Variants in SPRED2 observed in about 807,000 individuals in gnomAD.
The protein encoded by SPRED2 is sprouty-related, EVH1 domain-containing protein 2.
Under a neutral mutation model 43.0 loss-of-function variants are expected in SPRED2, and 47 were observed. That is an observed-to-expected ratio of 1.09 (90% confidence interval 0.87 to 1.40). The LOEUF is 1.40. Ranked by LOEUF, SPRED2 falls within the 40% of genes most tolerant of loss-of-function variation. SPRED2 has a pLI of 0.00. For missense variants in SPRED2, 561 were observed against 586.4 expected (o/e 0.96, Z 0.45); for synonymous variants, 225 against 225.7 (o/e 1.00, Z 0.03).
At chr2:65,343,607 T>C (rs1421174463) in intron 2 of SPRED2, among the ~76,000 whole-genome samples, 1 of 152,228 alleles carries the variant, frequency 6.6e-6, no homozygotes, top group Non-Finnish European at 1.5e-5. Flanking sequence ...GAATCATCTG[T>C]TGGCTTCTGA....
In SPRED2 at chr2:65,312,571, A is replaced by C; in HGVS notation, c.*930T>G. 1.0e-6 allele frequency: 1 copy of C among 985,702 alleles called. No individual in the cohort carries two copies. The highest frequency in any genetic ancestry group is 1.2e-6 in the Non-Finnish European group (1 of 829,938). 61.1% of individuals were successfully genotyped at this position (985,702 alleles called of 1,614,324 possible). On this transcript the variant is annotated 3_prime_UTR_variant, in exon 6 of 6. Coordinates refer to ENST00000356388, the MANE Select transcript of SPRED2 (RefSeq NM_181784.3). Reference sequence around the variant, plus strand: ...AAACTATTTGGTTTGCAAAACAACAAGCAAAATTTCTTACTTCACTAGTAT... The same window carrying C: ...AAACTATTTGGTTTGCAAAACAACACGCAAAATTTCTTACTTCACTAGTAT...
intron 1 of SPRED2, among the ~76,000 whole-genome samples, chr2:65,431,068 G>C (rs545057221): frequency 6.6e-6 from 1 of 152,210 alleles, no homozygotes; most frequent in African/African-American, 2.4e-5. Context: ...GCAGGAGGCA[G>C]CTGCACCTCC....
intron 1 of SPRED2, among the ~76,000 whole-genome samples, chr2:65,351,735 T>C (rs1674516564): frequency 6.6e-6 from 1 of 152,236 alleles, no homozygotes; most frequent in Admixed American, 6.5e-5. Context: ...ATATGACTAG[T>C]GATCTTTTTA....
chr2:65,311,135 T>C lies in SPRED2; in HGVS notation c.*2366A>G. ...GCTTCTGGACAGAAAATCTTTTGGT[T>C]AATGTTTTGTTACCACAGATACAAA... is the stretch of plus-strand genomic sequence containing the variant. On this transcript the variant is annotated 3_prime_UTR_variant, in exon 6 of 6. Coordinates refer to ENST00000356388, the MANE Select transcript of SPRED2 (RefSeq NM_181784.3). 1.2e-5 allele frequency: 12 copies of C among 985,824 alleles called. No individual in the cohort carries two copies. The highest frequency in any genetic ancestry group is 1.4e-5 in the Non-Finnish European group (12 of 829,936). The allele number at this position is 985,824 out of a possible 1,614,324, so 61.1% of individuals were successfully genotyped here. A position where few individuals can be genotyped will look rare whatever the true frequency, so the allele number is the denominator to read the frequency against.
At chr2:65,316,114 G>C (rs1387781342) in intron 5 of SPRED2, among the ~76,000 whole-genome samples, 2 of 152,196 alleles carry the variant, frequency 1.3e-5, no homozygotes, top group Non-Finnish European at 2.9e-5. Context: ...AAGCAGCCTA[G>C]TGGCCACAGC....
At chr2:65,335,048 T>G (rs1042689118) in intron 2 of SPRED2, among the ~76,000 whole-genome samples, 1 of 152,246 alleles carries the variant, frequency 6.6e-6, no homozygotes, top group South Asian at 2.1e-4. Context: ...GGGCACTAAG[T>G]TGATGCTCAG....
intron 1 of SPRED2, among the ~76,000 whole-genome samples, chr2:65,364,917 A>T (rs1674930084): frequency 6.6e-6 from 1 of 152,194 alleles, no homozygotes; most frequent in African/African-American, 2.4e-5. Context: ...CATTCACCAA[A>T]ACTATAAGAA....
downstream of SPRED2, among the ~76,000 whole-genome samples, chr2:65,310,461 A>ACT (rs1460792538): frequency 3.8e-5 from 1 of 26,614 alleles, no homozygotes. Context: ...TCCAAACTAC[A>ACT]CACACACACA....
At chr2:65,307,543 C>T (rs1304173738), downstream of SPRED2, among the ~76,000 whole-genome samples, 1 of 137,018 alleles carries the variant, frequency 7.3e-6, no homozygotes, top group Admixed American at 7.3e-5. Flanking sequence ...AATCACAACC[C>T]CTTCTCAAAA....
chr2:65,329,069 C>G (rs1446879638), intron 4 of SPRED2, among the ~76,000 whole-genome samples: 3 of 152,208 alleles, frequency 2.0e-5, no homozygotes, highest in Non-Finnish European at 2.9e-5. Flanking sequence ...ACTATGTGCT[C>G]TATCCATGCC....
At position 65,331,252 on chromosome 2, in the gene SPRED2, A is replaced by AAAAT. The variant is rs542818505; in HGVS notation, c.438+731_438+734dup. On this transcript the variant is annotated intron_variant, in intron 4 of 5. Coordinates refer to ENST00000356388, the MANE Select transcript of SPRED2 (RefSeq NM_181784.3). ...GCAATACAGCGAAACCCCATCTTTG[A>AAAAT]AAATAAATAAATAAATAAAAAGGAA... Among the ~76,000 whole-genome samples, 8 of 152,172 alleles carry AAAAT rather than the reference A, an allele frequency of 5.3e-5. No homozygotes were observed. The East Asian group carries it at 5.8e-4, about 11-fold the overall frequency.
intron 4 of SPRED2, among the ~76,000 whole-genome samples, chr2:65,327,965 G>T (rs186315012): frequency 4.0e-5 from 6 of 151,826 alleles, no homozygotes; most frequent in African/African-American, 1.2e-4. Flanking sequence ...CTCGTGATCC[G>T]CCCACCTTGG....
At chr2:65,321,291 G>T (rs1305088520) in intron 4 of SPRED2, among the ~76,000 whole-genome samples, 1 of 152,060 alleles carries the variant, frequency 6.6e-6, no homozygotes, top group Non-Finnish European at 1.5e-5. Context: ...GATGCAGGGA[G>T]CACAGCCCTT....
At chr2:65,316,034 G>A (rs1269173844) in intron 5 of SPRED2, among the ~76,000 whole-genome samples, 1 of 152,202 alleles carries the variant, frequency 6.6e-6, no homozygotes, top group Non-Finnish European at 1.5e-5. Context: ...TTTTTAAAAA[G>A]AGTCAAATAA....
intron 1 of SPRED2, among the ~76,000 whole-genome samples, chr2:65,379,394 G>T (rs1675318768): frequency 6.6e-6 from 1 of 152,160 alleles, no homozygotes; most frequent in African/African-American, 2.4e-5. Context: ...AAGCAAAGAG[G>T]AAGGAGAATT....
chr2:65,365,270 A>T (rs898055254), intron 1 of SPRED2, among the ~76,000 whole-genome samples: 2 of 152,226 alleles, frequency 1.3e-5, no homozygotes, highest in African/African-American at 4.8e-5. Context: ...AATTAATGAA[A>T]TTTAGAGATG....
At chr2:65,366,862 C>T in intron 1 of SPRED2, 2 of 1,061,610 alleles carry the variant, frequency 1.9e-6, no homozygotes, top group Middle Eastern at 6.3e-4. Flanking sequence ...AAAGTGGAAA[C>T]TGGAAGCCTG....
chr2:65,350,762 T>TA (rs1393277950), intron 1 of SPRED2, among the ~76,000 whole-genome samples: 1 of 152,212 alleles, frequency 6.6e-6, no homozygotes, highest in East Asian at 1.9e-4. Flanking sequence ...CTTTATGTTC[T>TA]AAGTGTTCTC....
intron 1 of SPRED2, among the ~76,000 whole-genome samples, chr2:65,377,461 C>G (rs1168181602): frequency 6.6e-6 from 1 of 152,218 alleles, no homozygotes; most frequent in Non-Finnish European, 1.5e-5. Flanking sequence ...TTATCCTCCT[C>G]TTGCCGACCC....
Sources: allele counts gnomAD v4.1 joint callset (sites outside exome capture counted in the v4.1 genomes callset), GRCh38; gene constraint gnomAD v4.1.1; transcripts MANE v1.5; gene names NCBI Gene and HGNC (gene_info 2026-07-23, HGNC 2026-07-21).